MYO6: variants seen among roughly 807,000 people sequenced by gnomAD.
The protein encoded by MYO6 is myosin VI, also known as unconventional myosin-VI.
Under a neutral mutation model 178.7 loss-of-function variants are expected in MYO6, and 74 were observed. The ratio of observed to expected loss-of-function variants is 0.41; its 90% CI spans 0.34 to 0.50. MYO6 has a LOEUF of 0.50. Ranked by LOEUF, MYO6 falls within the 20% of genes least tolerant of loss-of-function variation. The pLI is 0.09. For synonymous variants in MYO6, 477 were observed against 504.6 expected, an observed-to-expected ratio of 0.95 and a Z score of 0.73; for missense variants, 1,330 against 1,547.4, an observed-to-expected ratio of 0.86 and a Z score of 2.36.
chr6:75,885,986 T>A lies in MYO6; in HGVS notation c.2417-18T>A. Reference sequence around the variant, plus strand: ...AACTGAATAATTTTCTATCATTTTATTTTACTCTTACACATAGTGAAAAAC... The same window carrying A: ...AACTGAATAATTTTCTATCATTTTAATTTACTCTTACACATAGTGAAAAAC... On this transcript the variant is annotated intron_variant, in intron 23 of 34. Transcript: ENST00000369977. 1.4e-6 allele frequency: 2 copies of A among 1,447,818 alleles called. No individual in the cohort carries two copies. Among genetic ancestry groups the A allele is most frequent in the Non-Finnish European group, 1.9e-6 (2 of 1,034,408 alleles). 89.7% of individuals were successfully genotyped at this position (1,447,818 alleles called of 1,614,324 possible). A position where few individuals can be genotyped will look rare whatever the true frequency, so the allele number is the denominator to read the frequency against.
chr6:75,761,655 G>T (rs1210394492), intron 1 of MYO6, among the ~76,000 whole-genome samples: 1 of 149,762 alleles, frequency 6.7e-6, no homozygotes, highest in Non-Finnish European at 1.5e-5. Context: ...CTTTTTGCCA[G>T]ATGTGCAACT....
At chr6:75,902,449 G>C (rs558835949) in intron 30 of MYO6, among the ~76,000 whole-genome samples, 13 of 152,016 alleles carry the variant, frequency 8.6e-5, no homozygotes, top group African/African-American at 1.7e-4. Flanking sequence ...CTGGTTTAGT[G>C]TTGGGAGAGT....
At chr6:75,762,205 G>A (rs1778015638) in intron 1 of MYO6, among the ~76,000 whole-genome samples, 1 of 152,190 alleles carries the variant, frequency 6.6e-6, no homozygotes, top group East Asian at 1.9e-4. Context: ...ATAGTGCTGG[G>A]ATTACAGGCA....
chr6:75,844,957 C>G lies in MYO6; in HGVS notation c.877C>G (p.Gln293Glu). ...CAAAGAAACTGACAAACAGATTTTACAGAACCGCAAAAGTCCTGAGGTATA... is the reference window on the plus strand; with the variant it reads ...CAAAGAAACTGACAAACAGATTTTAGAGAACCGCAAAAGTCCTGAGGTATA... ...ANKETDKQIL[Q>E]NRKSPEYLKA... Residue 293 changes from glutamine to glutamate, a missense_variant, in exon 10 of 35, where the codon CAG (glutamine) becomes GAG (glutamate). Transcript: ENST00000369977. 6.2e-7 allele frequency: 1 copy of G among 1,612,894 alleles called. No homozygotes were observed. The highest frequency in any genetic ancestry group is 8.5e-7 in the Non-Finnish European group (1 of 1,179,178).
intron 1 of MYO6, among the ~76,000 whole-genome samples, chr6:75,755,170 C>T (rs573019998): frequency 1.7e-4 from 26 of 152,270 alleles, no homozygotes; most frequent in African/African-American, 6.3e-4. Flanking sequence ...GAGGTCAAGG[C>T]TGCAGTGAGC....
At chr6:75,838,088 T>C (rs180814374) in intron 7 of MYO6, among the ~76,000 whole-genome samples, 52 of 151,612 alleles carry the variant, frequency 3.4e-4, no homozygotes, top group Admixed American at 1.5e-3. Context: ...AGTCTCACTC[T>C]GTCGCCGAGT....
intron 1 of MYO6, among the ~76,000 whole-genome samples, chr6:75,788,733 C>T (rs1250183838): frequency 2.0e-5 from 3 of 152,124 alleles, no homozygotes; most frequent in Admixed American, 6.5e-5. Context: ...CCACTGCCTC[C>T]GGTCCAGAAT....
intron 30 of MYO6, among the ~76,000 whole-genome samples, chr6:75,899,007 T>A (rs188783671): frequency 6.6e-6 from 1 of 152,342 alleles, no homozygotes; most frequent in Non-Finnish European, 1.5e-5. Flanking sequence ...AAAATCAGTT[T>A]GCTACTATTG....
chr6:75,840,529 A>G (rs1774115726), intron 7 of MYO6, 56 bp from the exon 8 acceptor site: 5 of 1,165,968 alleles, frequency 4.3e-6, no homozygotes, highest in Non-Finnish European at 1.3e-6. Context: ...TACCATGCAT[A>G]TTTTGTAATG....
At chr6:75,846,184 T>C (rs1774715769) in intron 10 of MYO6, among the ~76,000 whole-genome samples, 1 of 151,980 alleles carries the variant, frequency 6.6e-6, no homozygotes, top group African/African-American at 2.4e-5. Flanking sequence ...AATTTTAATA[T>C]GCAGTGTTTA....
At chr6:75,887,036 T>C in intron 25 of MYO6, 42 bp downstream of exon 25, 1 of 1,564,226 alleles carries the variant, frequency 6.4e-7, no homozygotes, top group Non-Finnish European at 8.8e-7. Flanking sequence ...TTTTATGTAA[T>C]TTAATATATT....
At chr6:75,775,957 C>G (rs769345256) in intron 1 of MYO6, among the ~76,000 whole-genome samples, 1 of 152,138 alleles carries the variant, frequency 6.6e-6, no homozygotes, top group Non-Finnish European at 1.5e-5. Context: ...CGTATCATTT[C>G]TTTAAGATTT....
At chr6:75,756,301 G>A (rs868470480) in intron 1 of MYO6, among the ~76,000 whole-genome samples, 33 of 151,912 alleles carry the variant, frequency 2.2e-4, no homozygotes, top group African/African-American at 7.5e-4. Flanking sequence ...TAAGAGAAGA[G>A]GTTAGCAAAG....
chr6:75,850,569 A>G (rs1775169043), intron 11 of MYO6, among the ~76,000 whole-genome samples: 1 of 152,222 alleles, frequency 6.6e-6, no homozygotes, highest in African/African-American at 2.4e-5. Context: ...AGATGTCTTA[A>G]TGATTTTCAG....
chr6:75,839,417 A>G (rs201037270), intron 7 of MYO6, among the ~76,000 whole-genome samples: 2 of 151,596 alleles, frequency 1.3e-5, no homozygotes, highest in East Asian at 2.0e-4. Context: ...CTCGATCTTC[A>G]GCCCTCGAGA....
chr6:75,907,705 TGTG>T lies in MYO6; in HGVS notation c.3280_3280+2del. The T allele has an allele frequency of 6.2e-7, 1 of 1,603,912 alleles. No homozygotes were observed. Among genetic ancestry groups the T allele is most frequent in the Non-Finnish European group, 8.5e-7 (1 of 1,171,698 alleles). On this transcript the variant is annotated inframe_deletion and splice_region_variant, in exon 31 of 35. Coordinates refer to ENST00000369977, the MANE Select transcript of MYO6 (RefSeq NM_004999.4). ...ACTACGTGATACCATCAATACTTCT[TGTG>T]GTAAGTGTTTGGAGAAGATCAAAAA...
intron 32 of MYO6, among the ~76,000 whole-genome samples, chr6:75,908,879 G>A (rs914213969): frequency 1.3e-5 from 2 of 151,782 alleles, no homozygotes; most frequent in African/African-American, 2.4e-5. Flanking sequence ...GTCTGAAGAG[G>A]GTGTGCATGC....
At chr6:75,769,904 G>A (rs2748958) in intron 1 of MYO6, among the ~76,000 whole-genome samples, 116,003 of 150,474 alleles carry the variant, frequency 0.77, 45,720 homozygotes, top group East Asian at 0.94. Context: ...TGTCTCAAAG[G>A]AAAAAAAAAA....
chr6:75,909,123 C>A (rs1780570637), intron 32 of MYO6, among the ~76,000 whole-genome samples: 1 of 152,196 alleles, frequency 6.6e-6, no homozygotes, highest in Admixed American at 6.5e-5. Flanking sequence ...CTGCTGGGCT[C>A]AAGCAATCCT....
Sources: allele counts gnomAD v4.1 joint callset (sites outside exome capture counted in the v4.1 genomes callset), GRCh38; gene constraint gnomAD v4.1.1; transcripts MANE v1.5; gene names NCBI Gene and HGNC (gene_info 2026-07-23, HGNC 2026-07-21).